Variants in ENTHD1 observed in about 807,000 individuals in gnomAD.
The protein encoded by ENTHD1 is ENTH domain-containing protein 1.
A neutral mutation model predicts 39.1 loss-of-function variants in ENTHD1; 23 were observed. The ratio of observed to expected loss-of-function variants is 0.59; its 90% confidence interval spans 0.42 to 0.83. ENTHD1 has a LOEUF of 0.83. Among genes scored for constraint, ENTHD1 ranks in the 40% least tolerant of loss-of-function variants. ENTHD1 has a pLI of 0.00. For synonymous variants in ENTHD1, 230 were observed against 258.2 expected (o/e 0.89, Z 1.05); for missense variants, 624 against 705.4 (o/e 0.88, Z 1.31).
chr22:39,823,670 G>A (rs2065800522), intron 4 of ENTHD1, among the ~76,000 whole-genome samples: 1 of 152,040 alleles, frequency 6.6e-6, no homozygotes, highest in African/African-American at 2.4e-5. Flanking sequence ...CATATCTCTG[G>A]TATAAATTCC....
rs1418802586 is a variant in ENTHD1 at position 39,744,165 on chromosome 22, G to A, written c.1338C>T (p.Phe446=). 3 of 1,614,042 alleles carry A rather than the reference G, an allele frequency of 1.9e-6. No individual in the cohort carries two copies. The highest frequency in any genetic ancestry group is 1.6e-4 in the Middle Eastern group (1 of 6,084). Residue 446 remains phenylalanine (F), a synonymous_variant, in exon 7 of 7, where the codon TTC becomes TTT. Coordinates refer to ENST00000325157, the MANE Select transcript of ENTHD1 (RefSeq NM_152512.4). ...LLSPILAGPS[F]WTLSHQQLSS... is the part of the protein sequence containing the mutation. ...ACAACTGTTGATGGGACAGAGTCCA[G>A]AAGGAAGGTCCGGCCAGAATTGGTG...
intron 5 of ENTHD1, among the ~76,000 whole-genome samples, chr22:39,798,822 G>A (rs1252115110): frequency 1.3e-5 from 2 of 152,142 alleles, no homozygotes; most frequent in African/African-American, 2.4e-5. Context: ...AGCAGTGGTG[G>A]GACAACCGTT....
chr22:39,857,235 G>A (rs2066098972), intron 3 of ENTHD1, among the ~76,000 whole-genome samples: 1 of 151,956 alleles, frequency 6.6e-6, no homozygotes, highest in Non-Finnish European at 1.5e-5. Flanking sequence ...CTGAGGTCAG[G>A]AGTTCGAGAC....
intron 3 of ENTHD1, among the ~76,000 whole-genome samples, chr22:39,846,290 G>A (rs1299120271): frequency 1.3e-5 from 2 of 152,074 alleles, no homozygotes; most frequent in South Asian, 2.1e-4. Flanking sequence ...AGCCTCTACC[G>A]CTCAGGCTCA....
At chr22:39,820,349 A>T (rs1350335797) in intron 5 of ENTHD1, among the ~76,000 whole-genome samples, 1 of 152,208 alleles carries the variant, frequency 6.6e-6, no homozygotes, top group African/African-American at 2.4e-5. Flanking sequence ...GTGATGAAAG[A>T]TACTAATGAG....
chr22:39,771,407 T>A (rs866176856), intron 5 of ENTHD1, among the ~76,000 whole-genome samples: 2 of 152,154 alleles, frequency 1.3e-5, no homozygotes, highest in Middle Eastern at 6.8e-3. Flanking sequence ...CAGTCTTAAC[T>A]GGCCTGAAGA....
At chr22:39,836,046 C>T (rs1012156932) in intron 3 of ENTHD1, 88 bp from the exon 4 acceptor site, 12 of 890,794 alleles carry the variant, frequency 1.3e-5, no homozygotes, top group Non-Finnish European at 1.9e-5. Flanking sequence ...TTAATCACTT[C>T]TGAAGATACC....
At chr22:39,782,317 G>A (rs1054097610) in intron 5 of ENTHD1, among the ~76,000 whole-genome samples, 4 of 151,894 alleles carry the variant, frequency 2.6e-5, no homozygotes, top group South Asian at 2.1e-4. Context: ...GATCAAAGCC[G>A]CAATAAAAAT....
intron 4 of ENTHD1, among the ~76,000 whole-genome samples, chr22:39,824,895 A>G (rs908257494): frequency 4.6e-5 from 7 of 152,332 alleles, no homozygotes; most frequent in African/African-American, 1.4e-4. Flanking sequence ...TAGCTATTCT[A>G]GGGCCTGTGC....
At chr22:39,773,117 C>CAAAAAAAAAAAAAAAAA (rs57398699) in intron 5 of ENTHD1, among the ~76,000 whole-genome samples, 1 of 36,140 alleles carries the variant, frequency 2.8e-5, no homozygotes, top group East Asian at 1.2e-3. Flanking sequence ...GACCTCATCT[C>CAAAAAAAAAAAAAAAAA]AAAAAAAAAA....
chr22:39,858,924 T>C (rs775407535), intron 3 of ENTHD1, among the ~76,000 whole-genome samples: 2 of 152,236 alleles, frequency 1.3e-5, no homozygotes, highest in Non-Finnish European at 2.9e-5. Context: ...ATGAGAGTCC[T>C]AGATGGCATC....
chr22:39,751,332 C>G (rs181753371), intron 6 of ENTHD1: 1 of 153,504 alleles, frequency 6.5e-6, no homozygotes, highest in Admixed American at 6.5e-5. Context: ...AGAAATATGT[C>G]AGCCTGTCTT....
At chr22:39,832,522 A>G (rs907924348) in intron 4 of ENTHD1, among the ~76,000 whole-genome samples, 1 of 152,204 alleles carries the variant, frequency 6.6e-6, no homozygotes, top group East Asian at 1.9e-4. Flanking sequence ...AAAAGTGTTC[A>G]AGGAGATGGA....
At chr22:39,857,459 A>G (rs2066102609) in intron 3 of ENTHD1, among the ~76,000 whole-genome samples, 1 of 151,030 alleles carries the variant, frequency 6.6e-6, no homozygotes, top group Non-Finnish European at 1.5e-5. Flanking sequence ...AAAAAAAAAA[A>G]AAAAAAAAAA....
intron 3 of ENTHD1, among the ~76,000 whole-genome samples, chr22:39,843,575 C>T (rs2065963559): frequency 6.6e-6 from 1 of 150,660 alleles, no homozygotes; most frequent in South Asian, 2.1e-4. Context: ...CTAACCTGCA[C>T]AATGTGCACA....
At chr22:39,878,192 T>A (rs1026609871) in intron 2 of ENTHD1, among the ~76,000 whole-genome samples, 4 of 152,182 alleles carry the variant, frequency 2.6e-5, no homozygotes, top group African/African-American at 9.7e-5. Context: ...TCTGGGAGAC[T>A]GGACACAGCT....
intron 4 of ENTHD1, among the ~76,000 whole-genome samples, chr22:39,823,896 G>A (rs1027922833): frequency 3.3e-5 from 5 of 152,058 alleles, no homozygotes; most frequent in Non-Finnish European, 5.9e-5. Flanking sequence ...TTTCCTGAAG[G>A]CTAATAACGT....
At chr22:39,851,725 C>T (rs1454150169) in intron 3 of ENTHD1, among the ~76,000 whole-genome samples, 1 of 152,254 alleles carries the variant, frequency 6.6e-6, no homozygotes, top group Non-Finnish European at 1.5e-5. Flanking sequence ...AACTCAACCC[C>T]TACAGTTACC....
intron 2 of ENTHD1, among the ~76,000 whole-genome samples, chr22:39,870,547 T>C (rs1487878479): frequency 6.6e-6 from 1 of 152,060 alleles, no homozygotes; most frequent in African/African-American, 2.4e-5. Context: ...CGAAGTAAGA[T>C]AAATAAAAAT....
Sources: gnomAD v4.1 joint callset for allele counts (sites outside exome capture counted in the v4.1 genomes callset) on GRCh38, gnomAD v4.1.1 for gene constraint, MANE v1.5 for transcripts, NCBI Gene and HGNC (gene_info 2026-07-23, HGNC 2026-07-21) for gene names.